The following AMBP variants were observed in gnomAD, a reference collection of about 807,000 sequenced individuals.
AMBP encodes the protein alpha-1-microglobulin/bikunin precursor.
A neutral mutation model predicts 46.3 loss-of-function variants in AMBP; 37 were observed. The observed-to-expected ratio is 0.80, with a 90% CI of 0.61 to 1.05. AMBP has a LOEUF of 1.05. Ranked by LOEUF, AMBP falls within the 50% of genes least tolerant of loss-of-function variation. The pLI, the probability that AMBP is intolerant of heterozygous loss-of-function variation, is 0.00. For missense variants in AMBP, 475 were observed against 461.2 expected, an observed-to-expected ratio of 1.03 and a Z score of -0.27; for synonymous variants, 174 against 175.9, an observed-to-expected ratio of 0.99 and a Z score of 0.09.
At chr9:114,076,936 GGCGT>G (rs1846819136) in intron 1 of AMBP, among the ~76,000 whole-genome samples, 196 bp from the exon 2 acceptor site, 1 of 152,166 alleles carries the variant, frequency 6.6e-6, no homozygotes, top group Non-Finnish European at 1.5e-5. Flanking sequence ...CCCTAAGAGT[GGCGT>G]TTCAGGCATC....
At chr9:114,076,499 C>T in intron 2 of AMBP, 99 bp downstream of exon 2, 2 of 1,528,984 alleles carry the variant, frequency 1.3e-6, no homozygotes, top group Non-Finnish European at 1.8e-6. Context: ...AAGGTCCTGA[C>T]TGGAAGCAGA....
chr9:114,067,939 G>A (rs1389895437), intron 6 of AMBP, among the ~76,000 whole-genome samples: 2 of 152,122 alleles, frequency 1.3e-5, no homozygotes, highest in African/African-American at 2.4e-5. Context: ...TAAATAACTC[G>A]GGAACGGAGA....
At chr9:114,061,211 T>TTGAC (rs1564370364) in intron 8 of AMBP, 113 bp from the exon 9 acceptor site, 29 of 1,425,252 alleles carry the variant, frequency 2.0e-5, no homozygotes, top group Non-Finnish European at 2.7e-5. Context: ...TCATCCCTCG[T>TTGAC]TGACAGATGG....
chr9:114,061,303 C>T, intron 8 of AMBP, 121 bp downstream of exon 8: 1 of 1,502,422 alleles, frequency 6.7e-7, no homozygotes, highest in Non-Finnish European at 9.1e-7. Context: ...TTTCAGGAAA[C>T]CGCCTGGAGT....
Position 114,078,177 on chromosome 9 carries a change from C to T in AMBP, c.33G>A (p.Leu11=). The change falls in exon 1 of 10, where the codon CTG becomes CTA. Residue 11 remains leucine, a synonymous_variant. Coordinates refer to ENST00000265132, the MANE Select transcript of AMBP (RefSeq NM_001633.4). MRSLGALLLL[L]SACLAVSAGP... The stretch of plus-strand genomic sequence containing the variant: ...CAGCGCTCACCGCCAGGCAGGCGCT[C>T]AGCAGCAAGAGCAGGGCCCCGAGGC... 1 of 1,613,276 alleles carries T rather than the reference C, an allele frequency of 6.2e-7. No homozygotes were observed. Among genetic ancestry groups the T allele is most frequent in the East Asian group, 2.2e-5 (1 of 44,878 alleles).
chr9:114,064,899 AG>A (rs1383860142), intron 6 of AMBP, among the ~76,000 whole-genome samples: 6 of 152,246 alleles, frequency 3.9e-5, no homozygotes, highest in Non-Finnish European at 8.8e-5. Flanking sequence ...GAGAAAACTG[AG>A]GGGCACCCCA....
intron 4 of AMBP, among the ~76,000 whole-genome samples, chr9:114,073,247 C>T (rs1268851708): frequency 2.1e-5 from 3 of 145,254 alleles, no homozygotes; most frequent in Admixed American, 6.7e-5. Context: ...AAGGACTCTT[C>T]CCCTTTTTTT....
Position 114,074,118 on chromosome 9 carries a change from G to A in AMBP, c.372C>T (p.His124=), listed in dbSNP as rs921636608. The part of the protein sequence containing the change: ...WNITMESYVV[H]TNYDEYAIFL... ...AAATGGCATACTCATCATAGTTGGT[G>A]TGGACCACATAGGACTCCATGGTTA... The change falls in exon 4 of 10, where the codon CAC becomes CAT. Residue 124 remains histidine, a synonymous_variant. Transcript: ENST00000265132. 23 of 1,614,058 alleles carry A rather than the reference G, an allele frequency of 1.4e-5. No individual in the cohort carries two copies. The Admixed American group carries it at 2.0e-4, about 14-fold the overall frequency.
intron 7 of AMBP, among the ~76,000 whole-genome samples, chr9:114,061,813 A>G (rs373935901): frequency 1.4e-4 from 21 of 152,212 alleles, no homozygotes; most frequent in African/African-American, 5.1e-4. Context: ...ATTCCACTCC[A>G]TGTCATGGGG....
At chr9:114,065,775 T>A (rs1846687851) in intron 6 of AMBP, among the ~76,000 whole-genome samples, 2 of 151,154 alleles carry the variant, frequency 1.3e-5, no homozygotes, top group African/African-American at 2.4e-5. Flanking sequence ...GACCAAGGAG[T>A]AAATGACACC....
intron 5 of AMBP, among the ~76,000 whole-genome samples, chr9:114,071,713 T>C (rs1046601284): frequency 1.6e-4 from 25 of 152,208 alleles, no homozygotes; most frequent in African/African-American, 5.1e-4. Flanking sequence ...AGAGCACCCA[T>C]AAAAACCCCA....
intron 1 of AMBP, 65 bp from the exon 2 acceptor site, chr9:114,076,805 A>C: frequency 1.9e-6 from 3 of 1,569,242 alleles, no homozygotes; most frequent in Non-Finnish European, 2.6e-6. Flanking sequence ...CCTGGCTGAC[A>C]TCTGCTCCCC....
intron 2 of AMBP, 35 bp downstream of exon 2, chr9:114,076,561 GTC>G (rs1449520000): frequency 1.2e-6 from 2 of 1,606,470 alleles, no homozygotes; most frequent in East Asian, 2.2e-5. Flanking sequence ...GGGTCTCTGG[GTC>G]TCTCTCAGCT....
At chr9:114,069,610 TC>T in intron 6 of AMBP, 88 bp downstream of exon 6, 5 of 1,104,640 alleles carry the variant, frequency 4.5e-6, no homozygotes, top group African/African-American at 1.6e-5. Flanking sequence ...TGACTCTGCC[TC>T]CCCCCGCAGC....
In AMBP at chr9:114,060,140, C is replaced by T. The variant is rs969251168; in HGVS notation, c.*99G>A. On this transcript the variant is annotated 3_prime_UTR_variant, in exon 10 of 10. Coordinates refer to ENST00000265132, the MANE Select transcript of AMBP (RefSeq NM_001633.4). The stretch of plus-strand genomic sequence containing the variant: ...GAGGACACAGAATTTCAGGAGTTTA[C>T]AATTTAGTTTTTATTTGGACCCAGG... The T allele has an allele frequency of 7.9e-7, 1 of 1,264,792 alleles. No homozygotes were observed. The highest frequency in any genetic ancestry group is 1.5e-5 in the African/African-American group (1 of 66,582). The allele number at this position is 1,264,792 out of a possible 1,614,324, so 78.3% of individuals were successfully genotyped here.
intron 6 of AMBP, among the ~76,000 whole-genome samples, chr9:114,065,171 A>C (rs1846681385): frequency 6.6e-6 from 1 of 152,036 alleles, no homozygotes; most frequent in Non-Finnish European, 1.5e-5. Context: ...TGTGACCCCC[A>C]AAATTCATAT....
rs149594840 is a variant in AMBP, at chr9:114,076,603, A to G, written c.255T>C (p.Arg85=). The stretch of plus-strand genomic sequence containing the variant: ...AGCCCCACCCTAGTGCTCACCGCCA[A>G]CGAGTGCTGGTCATGCTGATCTCCG... ...TEAEISMTST[R]WRKGVCEETS... is the part of the protein sequence containing the mutation. Residue 85 remains arginine (R), a synonymous_variant, in exon 2 of 10, where the codon CGT becomes CGC. Transcript: ENST00000265132. The G allele has an allele frequency of 1.2e-5, 20 of 1,613,546 alleles. No homozygotes were observed. The highest frequency in any genetic ancestry group is 1.7e-5 in the Admixed American group (1 of 59,990).
chr9:114,068,903 A>T (rs971632433), intron 6 of AMBP, among the ~76,000 whole-genome samples: 1 of 150,906 alleles, frequency 6.6e-6, no homozygotes, highest in Non-Finnish European at 1.5e-5. Context: ...GTTTTGTAAG[A>T]TCAATGGTCA....
chr9:114,071,734 G>C (rs752348674), intron 5 of AMBP, among the ~76,000 whole-genome samples: 1 of 152,250 alleles, frequency 6.6e-6, no homozygotes, highest in Non-Finnish European at 1.5e-5. Context: ...GACTCAGCCA[G>C]ATTCGAACAG....
Sources: gnomAD v4.1 joint callset for allele counts (sites outside exome capture counted in the v4.1 genomes callset) on GRCh38, gnomAD v4.1.1 for gene constraint, MANE v1.5 for transcripts, NCBI Gene and HGNC (gene_info 2026-07-23, HGNC 2026-07-21) for gene names.